The following GALNT9 variants were observed in gnomAD, a reference collection of about 807,000 sequenced individuals.
The protein encoded by GALNT9 is polypeptide N-acetylgalactosaminyltransferase 9.
GALNT9 carries 47 observed loss-of-function variants against 63.1 expected under a neutral mutation model. That is an observed-to-expected ratio of 0.75 (90% CI 0.59 to 0.95). The LOEUF (loss-of-function observed/expected upper bound fraction) is 0.95. Among genes scored for constraint, GALNT9 ranks in the 40% least tolerant of loss-of-function variants. The pLI is 0.00. For missense variants in GALNT9, 829 were observed against 874.8 expected (o/e 0.95, Z 0.66); for synonymous variants, 396 against 365.7 (o/e 1.08, Z -0.94).
At chr12:132,207,903 C>T (rs573349898) in intron 6 of GALNT9, among the ~76,000 whole-genome samples, 3 of 152,262 alleles carry the variant, frequency 2.0e-5, no homozygotes, top group Non-Finnish European at 2.9e-5. Context: ...AAGAACAAGA[C>T]AGCCCCCACC....
chr12:132,308,005 C>T (rs1298504565), intron 1 of GALNT9, among the ~76,000 whole-genome samples: 3 of 151,348 alleles, frequency 2.0e-5, no homozygotes, highest in Non-Finnish European at 4.4e-5. Context: ...CACTGCACTC[C>T]AGCCTGGGCA....
chr12:132,266,555 C>T (rs1468902819), intron 2 of GALNT9, among the ~76,000 whole-genome samples: 3 of 152,182 alleles, frequency 2.0e-5, no homozygotes, highest in African/African-American at 4.8e-5. Context: ...CGGCCACGAG[C>T]CCAGGGAAGC....
chr12:132,234,982 T>G (rs1393385028), intron 6 of GALNT9, among the ~76,000 whole-genome samples: 1 of 7,618 alleles, frequency 1.3e-4, no homozygotes, highest in Non-Finnish European at 1.9e-4. Flanking sequence ...GAGGAGACAG[T>G]GTGGAGCCCC....
At chr12:132,300,162 G>C (rs537475778) in intron 1 of GALNT9, among the ~76,000 whole-genome samples, 39 of 141,722 alleles carry the variant, frequency 2.8e-4, no homozygotes, top group African/African-American at 1.1e-3. Context: ...AGCCACTCCT[G>C]AGATAACTCA....
At chr12:132,198,813 G>A (rs563114632) in intron 9 of GALNT9, among the ~76,000 whole-genome samples, 66 of 152,286 alleles carry the variant, frequency 4.3e-4, no homozygotes, top group Admixed American at 1.4e-3. Flanking sequence ...CACCATGCCC[G>A]GCTAATTTTT....
intron 1 of GALNT9, among the ~76,000 whole-genome samples, chr12:132,325,463 C>T (rs1449979636): frequency 6.6e-6 from 1 of 152,184 alleles, no homozygotes; most frequent in Non-Finnish European, 1.5e-5. Flanking sequence ...TGGAGGAAGC[C>T]TGAGTCCATG....
chr12:132,222,039 A>G (rs1465905495), intron 6 of GALNT9, among the ~76,000 whole-genome samples: 1 of 152,154 alleles, frequency 6.6e-6, no homozygotes, highest in Non-Finnish European at 1.5e-5. Flanking sequence ...TGGATTGGGT[A>G]AGCCTGTGAC....
chr12:132,301,004 G>A lies in GALNT9; in HGVS notation c.239-14574C>T, dbSNP rs368742600. 2.8e-4 allele frequency among the ~76,000 whole-genome samples: 43 copies of A among 152,388 alleles called. 1 individual carries two copies. In the East Asian group the frequency reaches 4.6e-3, roughly 16 times the overall value. ...ACGCATTCACAGCACAGCACTGACC[G>A]TTCCTCGTGCAGGCGTTGCACAAGC... On this transcript the variant is annotated intron_variant, in intron 1 of 10. Transcript: ENST00000328957.
chr12:132,239,937 C>G lies in GALNT9; in HGVS notation c.1077+7973G>C, dbSNP rs1193065462. 2.6e-5 allele frequency among the ~76,000 whole-genome samples: 4 copies of G among 151,926 alleles called. No individual in the cohort carries two copies. In the East Asian group the frequency reaches 7.7e-4, roughly 29 times the overall value. Reference sequence around the variant, plus strand: ...TCATTTCTTGTGAGGGGCCTGGCCTCAGGCAGCCGCCTGCCTGGGAGCTGC... The same window carrying G: ...TCATTTCTTGTGAGGGGCCTGGCCTGAGGCAGCCGCCTGCCTGGGAGCTGC... On this transcript the variant is annotated intron_variant, in intron 6 of 10. Transcript: ENST00000328957.
intron 6 of GALNT9, among the ~76,000 whole-genome samples, chr12:132,206,956 T>C (rs1460166166): frequency 1.3e-5 from 2 of 152,144 alleles, no homozygotes; most frequent in Admixed American, 6.5e-5. Flanking sequence ...TCCCAGCTGC[T>C]TGGGAGGCTG....
chr12:132,262,467 CTG>C lies in GALNT9; in HGVS notation c.576_577del (p.Asn192LysfsTer2). On this transcript the variant is annotated frameshift_variant, in exon 3 of 11. Transcript: ENST00000328957. LOFTEE classifies it high-confidence loss of function. Reference sequence around the variant, plus strand: ...AGGCCCCGCCCACTCACCGTTGTCACTGTTGTCGTCCACCAGGATGACCTCCT... The same window carrying C: ...AGGCCCCGCCCACTCACCGTTGTCACTTGTCGTCCACCAGGATGACCTCCT... The C allele has an allele frequency of 6.5e-7, 1 of 1,550,210 alleles. No homozygotes were observed. The highest frequency in any genetic ancestry group is 8.7e-7 in the Non-Finnish European group (1 of 1,146,374).
At chr12:132,264,708 C>T (rs1226024324) in intron 2 of GALNT9, among the ~76,000 whole-genome samples, 3 of 152,226 alleles carry the variant, frequency 2.0e-5, no homozygotes, top group African/African-American at 7.2e-5. Context: ...ACGTGCTCTT[C>T]CCTGAACCAA....
chr12:132,199,944 G>A (rs1178699979), intron 8 of GALNT9, among the ~76,000 whole-genome samples: 2 of 152,228 alleles, frequency 1.3e-5, no homozygotes, highest in African/African-American at 4.8e-5. Flanking sequence ...ACCACGAGAG[G>A]TCACACAGGT....
At chr12:132,237,457 G>C (rs1792552763) in intron 6 of GALNT9, among the ~76,000 whole-genome samples, 1 of 151,982 alleles carries the variant, frequency 6.6e-6, no homozygotes, top group Non-Finnish European at 1.5e-5. Flanking sequence ...GTTCACTGCT[G>C]CTCACACCTG....
intron 6 of GALNT9, among the ~76,000 whole-genome samples, chr12:132,227,321 G>A: frequency 6.6e-6 from 1 of 152,250 alleles, no homozygotes; most frequent in Non-Finnish European, 1.5e-5. Context: ...CGCGTGTGGG[G>A]AAGTGCATTG....
chr12:132,326,045 CA>C (rs1340569585), intron 1 of GALNT9, among the ~76,000 whole-genome samples: 1 of 152,282 alleles, frequency 6.6e-6, no homozygotes, highest in Admixed American at 6.5e-5. Context: ...CGCATGGACA[CA>C]GGGGTAGGCC....
chr12:132,295,615 C>T (rs912655418), intron 1 of GALNT9, among the ~76,000 whole-genome samples: 1 of 152,220 alleles, frequency 6.6e-6, no homozygotes, highest in Non-Finnish European at 1.5e-5. Flanking sequence ...TGGCCCCCAG[C>T]CAGGGATGCC....
Position 132,314,589 on chromosome 12 carries a change from G to T in GALNT9, c.238+14377C>A, listed in dbSNP as rs1868415436. Among the ~76,000 whole-genome samples the T allele has an allele frequency of 4.6e-5, 7 of 152,194 alleles. No homozygotes were observed. The South Asian group carries it at 1.5e-3, about 32-fold the overall frequency. Reference sequence around the variant, plus strand: ...TGCAGCTCAAAGATTCCTCTTCCATGAAGCTGTCCTGACCTTCCCCTTCAA... The same window carrying T: ...TGCAGCTCAAAGATTCCTCTTCCATTAAGCTGTCCTGACCTTCCCCTTCAA... On this transcript the variant is annotated intron_variant, in intron 1 of 10. Transcript: ENST00000328957.
chr12:132,286,355 T>C lies in GALNT9; in HGVS notation c.314A>G (p.Asp105Gly). ...CTTGCCTTCCGCCTCCTGGCCGTCATCACGCAGGGTGGCCGCCAAGCCACC... is the reference window on the plus strand; with the variant it reads ...CTTGCCTTCCGCCTCCTGGCCGTCACCACGCAGGGTGGCCGCCAAGCCACC... Reference protein sequence around the residue: ...GQGGLAATLRDDGQEAEGKYE... With the variant: ...GQGGLAATLRGDGQEAEGKYE... Residue 105 changes from aspartate (D) to glycine (G), a missense_variant, in exon 2 of 11, where the codon GAT (aspartate) becomes GGT (glycine). Coordinates refer to ENST00000328957, the MANE Select transcript of GALNT9 (RefSeq NM_001122636.2). This position sits in a 1 kb window ranked among gnomAD's most constrained non-coding sequence, Gnocchi z 7.4. 1.3e-6 allele frequency: 2 copies of C among 1,550,888 alleles called. No homozygotes were observed. The highest frequency in any genetic ancestry group is 2.7e-5 in the African/African-American group (2 of 73,156).
Sources: allele counts gnomAD v4.1 joint callset (sites outside exome capture counted in the v4.1 genomes callset), GRCh38; gene constraint gnomAD v4.1.1; non-coding constraint Gnocchi (gnomAD v3.1); transcripts MANE v1.5; gene names NCBI Gene and HGNC (gene_info 2026-07-23, HGNC 2026-07-21).